PTPRB: variants seen among roughly 807,000 people sequenced by gnomAD.
The protein encoded by PTPRB is receptor-type tyrosine-protein phosphatase beta.
PTPRB carries 97 observed loss-of-function variants against 238.1 expected under a neutral mutation model. That is an observed-to-expected ratio of 0.41 (90% CI 0.35 to 0.48). The LOEUF is 0.48. Ranked by LOEUF, PTPRB falls within the 20% of genes least tolerant of loss-of-function variation. The pLI is 0.30. For synonymous variants in PTPRB, 970 were observed against 995.4 expected (o/e 0.97, Z 0.48); for missense variants, 2,292 against 2,681.9 (o/e 0.85, Z 3.21).
chr12:70,563,432 G>A (rs1340962818), intron 15 of PTPRB, among the ~76,000 whole-genome samples: 1 of 152,106 alleles, frequency 6.6e-6, no homozygotes, highest in African/African-American at 2.4e-5. Flanking sequence ...CCTTGATTTC[G>A]CCTGAGTTCT....
At chr12:70,626,466 G>A (rs11178337) in intron 2 of PTPRB, among the ~76,000 whole-genome samples, 25 of 150,540 alleles carry the variant, frequency 1.7e-4, no homozygotes, top group African/African-American at 5.4e-4. Flanking sequence ...GTTCCTCATC[G>A]GTGGATTCAA....
At chr12:70,581,823 A>C (rs1003928201) in intron 9 of PTPRB, among the ~76,000 whole-genome samples, 1 of 150,588 alleles carries the variant, frequency 6.6e-6, no homozygotes, top group African/African-American at 2.4e-5. Context: ...TATAATATAT[A>C]TATTAAAAAA....
chr12:70,541,051 ATGT>A, intron 22 of PTPRB, 94 bp from the exon 23 acceptor site: 1 of 977,980 alleles, frequency 1.0e-6, no homozygotes, highest in Non-Finnish European at 1.5e-6. Context: ...CTCCCAAGTA[ATGT>A]TATTACAAAT....
intron 8 of PTPRB, among the ~76,000 whole-genome samples, chr12:70,588,006 G>T (rs1202873102): frequency 1.2e-4 from 18 of 148,584 alleles, no homozygotes. Context: ...TGAGGCATGA[G>T]AATTGCTTAA....
At position 70,607,793 on chromosome 12, in the gene PTPRB, C is replaced by T. The variant is rs563648646; in HGVS notation, c.979+1276G>A. Among the ~76,000 whole-genome samples, 170 of 151,948 alleles carry T rather than the reference C, an allele frequency of 1.1e-3. 1 individual carries two copies. The highest frequency in any genetic ancestry group is 4.0e-3 in the African/African-American group (165 of 41,466). Reference sequence around the variant, plus strand: ...GTCTTGAACTCCTGACCTCATGATCCACCTGCCTCAGCCTCCCAAAGTGCT... The same window carrying T: ...GTCTTGAACTCCTGACCTCATGATCTACCTGCCTCAGCCTCCCAAAGTGCT... On this transcript the variant is annotated intron_variant, in intron 4 of 33. Transcript: ENST00000334414.
intron 11 of PTPRB, among the ~76,000 whole-genome samples, chr12:70,574,951 G>A (rs1053892114): frequency 2.0e-5 from 3 of 152,190 alleles, no homozygotes; most frequent in Non-Finnish European, 4.4e-5. Context: ...GAAGCAAGGG[G>A]TTGGTAGTTA....
intron 10 of PTPRB, among the ~76,000 whole-genome samples, chr12:70,577,143 T>C (rs1209100641): frequency 6.6e-6 from 1 of 152,198 alleles, no homozygotes; most frequent in African/African-American, 2.4e-5. Context: ...GATGAAGTTA[T>C]TCATTCCTGG....
intron 33 of PTPRB, among the ~76,000 whole-genome samples, chr12:70,522,863 C>CTTTTTTTTTTTTTTTTTTT (rs35913444): frequency 1.4e-4 from 17 of 118,238 alleles, no homozygotes; most frequent in African/African-American, 4.7e-4. Context: ...TTTGTTTTTT[C>CTTTTTTTTTTTTTTTTTTT]TTTTTTTTTT....
At chr12:70,541,880 T>C (rs996437874) in intron 22 of PTPRB, 2 of 145,268 alleles carry the variant, frequency 1.4e-5, no homozygotes, top group Non-Finnish European at 3.1e-5. Context: ...AAATTGCTTC[T>C]ACTTTTTGGC....
chr12:70,627,961 T>C (rs1483413209), intron 2 of PTPRB, among the ~76,000 whole-genome samples: 2 of 152,196 alleles, frequency 1.3e-5, no homozygotes, highest in Non-Finnish European at 2.9e-5. Context: ...CAAGGGTGTA[T>C]ATGATTGCTT....
chr12:70,569,653 C>T, intron 14 of PTPRB, 22 bp downstream of exon 14: 2 of 1,612,882 alleles, frequency 1.2e-6, no homozygotes, highest in African/African-American at 1.3e-5. Flanking sequence ...ACAATCTAGC[C>T]CTTCTCCAGG....
In PTPRB at chr12:70,595,955, C is replaced by T; in HGVS notation, c.1258+94G>A. ...ACTAATTGCTAATTAATTAACTTTG[C>T]TCTGGAGTAGCAATCTTACTCCTAT... is the stretch of plus-strand genomic sequence containing the variant. On this transcript the variant is annotated intron_variant, in intron 5 of 33. Transcript: ENST00000334414. 4.3e-6 allele frequency: 5 copies of T among 1,176,466 alleles called. No homozygotes were observed. The South Asian group carries it at 8.7e-5, about 20-fold the overall frequency. 72.9% of individuals were successfully genotyped at this position (1,176,466 alleles called of 1,614,324 possible).
chr12:70,591,043 A>G (rs1255786264), intron 7 of PTPRB, among the ~76,000 whole-genome samples: 4 of 142,056 alleles, frequency 2.8e-5, no homozygotes. Flanking sequence ...CAATCCTCCC[A>G]GCTCAGCCTC....
In PTPRB at chr12:70,635,724, A is replaced by G; in HGVS notation, c.398T>C (p.Ile133Thr). 1.9e-6 allele frequency: 3 copies of G among 1,613,838 alleles called. No individual in the cohort carries two copies. The highest frequency in any genetic ancestry group is 1.6e-4 in the Middle Eastern group (1 of 6,062). Residue 133 changes from isoleucine to threonine, a missense_variant, in exon 2 of 34, where the codon ATA becomes ACA. This residue lies in a region of PTPRB where 1,205 missense variants were observed against 1,287.8 expected (regional missense o/e 0.94). Transcript: ENST00000334414. ...CAGTTTTCCCTCCTTGTTGACATCT[A>G]TTTTCATCCAGCTATGGAGGTATTT... ...ARKYLHSWMK[I>T]DVNKEGKLVN... is the part of the protein sequence containing the mutation.
intron 8 of PTPRB, among the ~76,000 whole-genome samples, chr12:70,589,121 T>C (rs1371260534): frequency 6.6e-6 from 1 of 152,118 alleles, no homozygotes; most frequent in Non-Finnish European, 1.5e-5. Flanking sequence ...ATACTAAAAG[T>C]CGCTTAGTTT....
chr12:70,593,793 C>A (rs1002388091), intron 6 of PTPRB, among the ~76,000 whole-genome samples: 6 of 152,040 alleles, frequency 3.9e-5, no homozygotes, highest in African/African-American at 1.4e-4. Context: ...AGATAACTTA[C>A]CAAGAGAGGA....
At chr12:70,622,667 T>C (rs1488297981) in intron 2 of PTPRB, 21 bp from the exon 3 acceptor site, 1 of 1,534,680 alleles carries the variant, frequency 6.5e-7, no homozygotes, top group South Asian at 1.2e-5. Flanking sequence ...GAAAAGATAG[T>C]TGCAAAGATT....
chr12:70,538,034 C>T (rs145104514), intron 28 of PTPRB, 121 bp downstream of exon 28: 14,684 of 773,274 alleles, frequency 0.019, 189 homozygotes, highest in Non-Finnish European at 0.027. Context: ...CAGATGTGCT[C>T]TTCTGAAATC....
intron 3 of PTPRB, among the ~76,000 whole-genome samples, chr12:70,614,929 A>T (rs1884614376): frequency 6.6e-6 from 1 of 152,228 alleles, no homozygotes; most frequent in South Asian, 2.1e-4. Flanking sequence ...TTAGAGAGAC[A>T]GTCTGAGATA....
Sources: gnomAD v4.1 joint callset for allele counts (sites outside exome capture counted in the v4.1 genomes callset) on GRCh38, gnomAD v4.1.1 for gene constraint, gnomAD v4.1.1 regional missense constraint, MANE v1.5 for transcripts, NCBI Gene and HGNC (gene_info 2026-07-23, HGNC 2026-07-21) for gene names.